The following TTC14 variants were observed in gnomAD, a reference collection of about 807,000 sequenced individuals.
The protein encoded by TTC14 is tetratricopeptide repeat protein 14.
TTC14 carries 63 observed loss-of-function variants against 79.9 expected under a neutral mutation model. The ratio of observed to expected loss-of-function variants is 0.79; its 90% CI spans 0.64 to 0.97. The LOEUF (loss-of-function observed/expected upper bound fraction) is 0.97, where lower values mean the gene tolerates loss of function less well. Among genes scored for constraint, TTC14 ranks in the 50% least tolerant of loss-of-function variants. The pLI is 0.00. For missense variants in TTC14, 895 were observed against 894.0 expected, an observed-to-expected ratio of 1.00 and a Z score of -0.01; for synonymous variants, 335 against 309.6, an observed-to-expected ratio of 1.08 and a Z score of -0.86.
chr3:180,602,355 C>T lies in TTC14; in HGVS notation c.94C>T (p.Arg32Cys). The T allele has an allele frequency of 1.7e-5, 27 of 1,612,872 alleles. No homozygotes were observed. The highest frequency in any genetic ancestry group is 2.3e-5 in the Non-Finnish European group (27 of 1,179,880). Residue 32 changes from arginine to cysteine, a missense_variant, in exon 1 of 12, where the codon CGT becomes TGT. Arg to Cys is a radical substitution (Grantham distance 180). Coordinates refer to ENST00000296015, the MANE Select transcript of TTC14 (RefSeq NM_133462.4). ...CGAACAGCAGGACAATCCACACTTC[C>T]GTAGCCTCCTGGGGTCGGCCGCCGA... ...RSEQQDNPHFRSLLGSAAEPA... is the reference protein window; with the variant it reads ...RSEQQDNPHFCSLLGSAAEPA...
downstream of TTC14, among the ~76,000 whole-genome samples, chr3:180,618,100 C>T (rs1256039245): frequency 6.6e-6 from 1 of 152,120 alleles, no homozygotes; most frequent in African/African-American, 2.4e-5. Flanking sequence ...ACACACTTTA[C>T]AAGCTTATAG....
chr3:180,611,246 CTT>C, downstream of TTC14: 1 of 833,680 alleles, frequency 1.2e-6, no homozygotes, highest in Admixed American at 6.2e-5. Flanking sequence ...CCATAAAAAG[CTT>C]TTTAACTTTA....
Position 180,608,805 on chromosome 3 carries a change from GAA to G in TTC14, c.1396_1397del (p.Lys466GlufsTer19). ...EKLRKLLKEEKRLKKKRRKST... is the reference protein window; with the variant it reads ...EKLRKLLKEEXRLKKKRRKST... Reference sequence around the variant, plus strand: ...AGTTGCGTAAGCTCTTAAAAGAAGAGAAGAGGTAAACTATAATATTCAGTATT... The same window carrying G: ...AGTTGCGTAAGCTCTTAAAAGAAGAGGAGGTAAACTATAATATTCAGTATT... On this transcript the variant is annotated frameshift_variant, in exon 11 of 12. Coordinates refer to ENST00000296015, the MANE Select transcript of TTC14 (RefSeq NM_133462.4). LOFTEE classifies it high-confidence loss of function. 6.5e-7 allele frequency: 1 copy of G among 1,532,144 alleles called. No homozygotes were observed. Among genetic ancestry groups the G allele is most frequent in the Non-Finnish European group, 8.7e-7 (1 of 1,145,502 alleles). The allele number at this position is 1,532,144 out of a possible 1,614,324, so 94.9% of individuals were successfully genotyped here.
chr3:180,610,623 A>G lies in TTC14; in HGVS notation c.*81A>G. The stretch of plus-strand genomic sequence containing the variant: ...TGTATTAGTCATAACAGTTGAGTGC[A>G]GAAATCTCTGCTTCTAAAATTATTT... On this transcript the variant is annotated 3_prime_UTR_variant, in exon 12 of 12. Transcript: ENST00000296015. The G allele has an allele frequency of 6.7e-7, 1 of 1,491,956 alleles. No homozygotes were observed. Among genetic ancestry groups the G allele is most frequent in the Non-Finnish European group, 8.9e-7 (1 of 1,127,028 alleles). 92.4% of individuals were successfully genotyped at this position (1,491,956 alleles called of 1,614,324 possible).
chr3:180,610,361 A>C lies in TTC14; in HGVS notation c.2132A>C (p.Glu711Ala). The change falls in exon 12 of 12, where the codon GAA becomes GCA. Residue 711 changes from glutamate (E) to alanine (A), a missense_variant. Glu to Ala is a moderately radical substitution (Grantham distance 107). Transcript: ENST00000296015. ...TACCGTTTAAATACAAATCAAGGAG[A>C]ATATGAAAGAGAGGACAATTATGGG... The part of the protein sequence containing the change: ...QRYRLNTNQG[E>A]YEREDNYGED... The C allele has an allele frequency of 6.2e-7, 1 of 1,613,530 alleles. No individual in the cohort carries two copies. Among genetic ancestry groups the C allele is most frequent in the South Asian group, 1.1e-5 (1 of 90,932 alleles).
At position 180,604,947 on chromosome 3, in the gene TTC14, T is replaced by C. The variant is rs1037683343; in HGVS notation, c.797T>C (p.Leu266Pro). Residue 266 changes from leucine (L) to proline (P), a missense_variant, in exon 6 of 12, where the codon CTT (leucine) becomes CCT (proline). Coordinates refer to ENST00000296015, the MANE Select transcript of TTC14 (RefSeq NM_133462.4). ...GFVNPGVVEF[L>P]LEKLGIDESN... ...GTTAATCCAGGAGTAGTTGAATTCC[T>C]TCTAGAAAAACTAGGAATAGATGAA... 1 of 1,614,122 alleles carries C rather than the reference T, an allele frequency of 6.2e-7. No homozygotes were observed. The highest frequency in any genetic ancestry group is 8.5e-7 in the Non-Finnish European group (1 of 1,179,996).
chr3:180,611,076 T>C lies in TTC14; in HGVS notation c.*534T>C, dbSNP rs539420208. ...TAAAATTTTTAAATGGTAGATTATATGTCTTAATTTTCCTCTAAAGCCCAA... is the reference window on the plus strand; with the variant it reads ...TAAAATTTTTAAATGGTAGATTATACGTCTTAATTTTCCTCTAAAGCCCAA... On this transcript the variant is annotated 3_prime_UTR_variant, in exon 12 of 12. Transcript: ENST00000296015. The C allele has an allele frequency of 2.9e-5, 28 of 970,458 alleles. No homozygotes were observed. The African/African-American group carries it at 4.6e-4, about 16-fold the overall frequency. The allele number at this position is 970,458 out of a possible 1,614,324, so 60.1% of individuals were successfully genotyped here. A position where few individuals can be genotyped will look rare whatever the true frequency, so the allele number is the denominator to read the frequency against.
chr3:180,616,986 A>G (rs1429945767), intron 12 of TTC14: 4 of 1,207,776 alleles, frequency 3.3e-6, no homozygotes, highest in African/African-American at 1.6e-5. Flanking sequence ...AAATATTAAC[A>G]TGTATTTTTT....
rs201415238 is a variant in TTC14, at chr3:180,606,262, C to G, written c.939C>G (p.Ile313Met). Residue 313 changes from isoleucine (I) to methionine (M), a missense_variant, in exon 8 of 12, where the codon ATC (isoleucine) becomes ATG (methionine). Coordinates refer to ENST00000296015, the MANE Select transcript of TTC14 (RefSeq NM_133462.4). ...CAAATGTCTTTTTTAGTGTGAAGAT[C>G]GGAGTTGACTATTTTAAAGTTGGAC... ...SASWALKCVK[I>M]GVDYFKVGRH... is the part of the protein sequence containing the mutation. 2.5e-6 allele frequency: 4 copies of G among 1,613,684 alleles called. No homozygotes were observed. In the African/African-American group the frequency reaches 5.3e-5, roughly 22 times the overall value.
chr3:180,617,362 A>G, intron 12 of TTC14: 2 of 566,102 alleles, frequency 3.5e-6, no homozygotes, highest in South Asian at 5.6e-5. Context: ...TATACAATAT[A>G]CTTTTATTAT....
At position 180,602,315 on chromosome 3, in the gene TTC14, C is replaced by G. The variant is rs745342967; in HGVS notation, c.54C>G (p.Leu18=). Reference sequence around the variant, plus strand: ...TAAATTGCCACGGGTCGTCTTTGCTCTCTCTACTTCGGAGCGAACAGCAGG... The same window carrying G: ...TAAATTGCCACGGGTCGTCTTTGCTGTCTCTACTTCGGAGCGAACAGCAGG... ...QSLNCHGSSL[L]SLLRSEQQDN... The change falls in exon 1 of 12, where the codon CTC becomes CTG. Residue 18 remains leucine (L), a synonymous_variant. Coordinates refer to ENST00000296015, the MANE Select transcript of TTC14 (RefSeq NM_133462.4). The G allele has an allele frequency of 1.3e-5, 21 of 1,613,856 alleles. No homozygotes were observed. The highest frequency in any genetic ancestry group is 2.2e-5 in the South Asian group (2 of 91,082).
chr3:180,618,124 G>T (rs1305390556), downstream of TTC14, among the ~76,000 whole-genome samples: 2 of 152,108 alleles, frequency 1.3e-5, no homozygotes, highest in Non-Finnish European at 2.9e-5. Flanking sequence ...AGGAACAATA[G>T]GCTATACCAT....
Position 180,616,823 on chromosome 3 carries a change from T to TA in TTC14, c.1775-556dup, listed in dbSNP as rs778375693. On this transcript the variant is annotated intron_variant, in intron 12 of 12. Transcript: ENST00000382584. ...AAGGTCAGTTTTTAAAAGATATCGA[T>TA]ACCTGTTTGGTCACTCTTTCTAATT... 1.9e-6 allele frequency: 3 copies of TA among 1,609,572 alleles called. No individual in the cohort carries two copies. The highest frequency in any genetic ancestry group is 2.2e-5 in the South Asian group (2 of 90,546).
exon 13 of TTC14, chr3:180,617,555 T>C: frequency 1.7e-6 from 1 of 599,390 alleles, no homozygotes; most frequent in Non-Finnish European, 3.0e-6. Flanking sequence ...TTGATGATCC[T>C]GACCACGGGT....
At chr3:180,609,350 C>T in intron 11 of TTC14, 1 of 1,087,652 alleles carries the variant, frequency 9.2e-7, no homozygotes, top group Non-Finnish European at 1.1e-6. Flanking sequence ...TTGAGTTCTC[C>T]TTTATGTGTT....
downstream of TTC14, among the ~76,000 whole-genome samples, chr3:180,611,427 A>G (rs776226694): frequency 8.5e-5 from 13 of 152,212 alleles, no homozygotes; most frequent in Admixed American, 3.3e-4. Context: ...TGTTCAGTCC[A>G]GAAGGCACTA....
intron 3 of TTC14, 169 bp downstream of exon 3, chr3:180,603,492 T>C (rs777158182): frequency 1.6e-5 from 10 of 632,144 alleles, no homozygotes; most frequent in Non-Finnish European, 2.4e-5. Flanking sequence ...AGTTACCCAG[T>C]TTCTCCCTCC....
chr3:180,602,260 C>A lies in TTC14; in HGVS notation c.-2C>A. The A allele has an allele frequency of 6.2e-7, 1 of 1,613,740 alleles. No homozygotes were observed. Among genetic ancestry groups the A allele is most frequent in the South Asian group, 1.1e-5 (1 of 91,070 alleles). On this transcript the variant is annotated 5_prime_UTR_variant, in exon 1 of 12. Transcript: ENST00000296015. ...GGCCTCCGGGCCCTGCATTCTCTAGCCATGGACCGGGACCTTTTGCGGCAG... is the reference window on the plus strand; with the variant it reads ...GGCCTCCGGGCCCTGCATTCTCTAGACATGGACCGGGACCTTTTGCGGCAG...
Position 180,602,197 on chromosome 3 carries a change from C to A in TTC14, c.-65C>A, listed in dbSNP as rs901055723. 7.0e-6 allele frequency: 11 copies of A among 1,582,644 alleles called. No homozygotes were observed. Among genetic ancestry groups the A allele is most frequent in the Non-Finnish European group, 9.5e-6 (11 of 1,163,932 alleles). On this transcript the variant is annotated 5_prime_UTR_variant, in exon 1 of 12. Transcript: ENST00000296015. ...CTTCCGCTTCCTGTACCACCCGGCT[C>A]AAGTAGCGGACACGGAACAGGGAAC...
Sources: allele counts gnomAD v4.1 joint callset (sites outside exome capture counted in the v4.1 genomes callset), GRCh38; gene constraint gnomAD v4.1.1; transcripts MANE v1.5; gene names NCBI Gene and HGNC (gene_info 2026-07-23, HGNC 2026-07-21).